The following AHNAK variants were observed in gnomAD, a reference collection of about 807,000 sequenced individuals.
AHNAK encodes neuroblast differentiation-associated protein AHNAK.
In AHNAK, 23 loss-of-function variants were observed where a neutral mutation model predicts 37.8. The observed-to-expected ratio is 0.61, with a 90% CI of 0.44 to 0.86. The LOEUF (loss-of-function observed/expected upper bound fraction) is 0.86. Among genes scored for constraint, AHNAK ranks in the 40% least tolerant of loss-of-function variants. AHNAK has a pLI of 0.00. For synonymous variants in AHNAK, 2,481 were observed against 2,636.3 expected, an observed-to-expected ratio of 0.94 and a Z score of 1.80; for missense variants, 7,411 against 7,319.4, an observed-to-expected ratio of 1.01 and a Z score of -0.46.
intron 4 of AHNAK, among the ~76,000 whole-genome samples, chr11:62,502,490 G>A (rs1433492696): frequency 1.3e-5 from 2 of 152,154 alleles, no homozygotes; most frequent in African/African-American, 2.4e-5. Context: ...TGAAGTGATC[G>A]GTTAGTGATA....
chr11:62,502,997 C>T (rs1174593696), intron 4 of AHNAK, among the ~76,000 whole-genome samples: 1 of 152,128 alleles, frequency 6.6e-6, no homozygotes, highest in East Asian at 1.9e-4. Context: ...CTTTTTTTCC[C>T]TGTGTGAACC....
At position 62,532,879 on chromosome 11, in the gene AHNAK, T is replaced by C; in HGVS notation, c.1538A>G (p.Lys513Arg). The stretch of plus-strand genomic sequence containing the variant: ...AGAAACCTTAATATCTCCTTTCAGT[T>C]TAGGAGACCCAAGGCTCAGATCCAC... ...QDVDLSLGSP[K>R]LKGDIKVSAP... Residue 513 changes from lysine (K) to arginine (R), a missense_variant, in exon 5 of 5, where the codon AAA (lysine) becomes AGA (arginine). Coordinates refer to ENST00000378024, the MANE Select transcript of AHNAK (RefSeq NM_001620.3). 1 of 1,614,110 alleles carries C rather than the reference T, an allele frequency of 6.2e-7. No homozygotes were observed.
Position 62,534,006 on chromosome 11 carries a change from A to G in AHNAK, c.411T>C (p.Asp137=), listed in dbSNP as rs770840240. Residue 137 remains aspartate, a synonymous_variant, in exon 5 of 5, where the codon GAT becomes GAC. Transcript: ENST00000378024. ...TKIKPRLKSE[D]GVEGDLGETQ... is the part of the protein sequence containing the mutation. ...TCTCCCCGAGGTCTCCTTCCACTCC[A>G]TCTTCCGACTTCAGCCGTGGCTTGA... 2 of 1,594,968 alleles carry G rather than the reference A, an allele frequency of 1.3e-6. No homozygotes were observed. Among genetic ancestry groups the G allele is most frequent in the Admixed American group, 1.7e-5 (1 of 58,678 alleles).
In AHNAK at chr11:62,527,713, T is replaced by C. The variant is rs1460469508; in HGVS notation, c.6704A>G (p.His2235Arg). Residue 2235 changes from histidine (H) to arginine (R), a missense_variant, in exon 5 of 5, where the codon CAT becomes CGT. His to Arg is a conservative substitution (Grantham distance 29). Transcript: ENST00000378024. ...CATCTTCAGGTGCCAGTCTGGGCCA[T>C]GAACATCCACATCTGGGGCATCAAT... ...VDIDAPDVDV[H>R]GPDWHLKMPK... 2.5e-6 allele frequency: 4 copies of C among 1,613,964 alleles called. No individual in the cohort carries two copies. The highest frequency in any genetic ancestry group is 2.2e-5 in the East Asian group (1 of 44,866).
In AHNAK at chr11:62,517,771, T is replaced by A. The variant is rs758602100; in HGVS notation, c.16646A>T (p.Asn5549Ile). 6.2e-7 allele frequency: 1 copy of A among 1,614,196 alleles called. No homozygotes were observed. Among genetic ancestry groups the A allele is most frequent in the Admixed American group, 1.7e-5 (1 of 60,020 alleles). The change falls in exon 5 of 5, where the codon AAT becomes ATT. Residue 5549 changes from asparagine to isoleucine, a missense_variant. Asn to Ile is a moderately radical substitution (Grantham distance 149). Transcript: ENST00000378024. ...PDISVKGPAF[N>I]MASPESDFGI... is the part of the protein sequence containing the mutation. Reference sequence around the variant, plus strand: ...AAAATCTGACTCAGGAGATGCCATATTAAAGGCAGGCCCCTTCACACTGAT... The same window carrying A: ...AAAATCTGACTCAGGAGATGCCATAATAAAGGCAGGCCCCTTCACACTGAT...
chr11:62,481,851 C>T (rs1939283334), intron 5 of AHNAK, among the ~76,000 whole-genome samples: 1 of 152,122 alleles, frequency 6.6e-6, no homozygotes, highest in Non-Finnish European at 1.5e-5. Flanking sequence ...AGGCGTGAAC[C>T]ACCGCGCCTG....
At chr11:62,460,334 T>C (rs1938756479) in intron 5 of AHNAK, among the ~76,000 whole-genome samples, 1 of 151,992 alleles carries the variant, frequency 6.6e-6, no homozygotes. Flanking sequence ...ACGCTGCATC[T>C]GAGATGAGAG....
intron 5 of AHNAK, among the ~76,000 whole-genome samples, chr11:62,474,777 TAGGAG>T (rs1939109148): frequency 3.3e-5 from 5 of 152,138 alleles, no homozygotes; most frequent in Admixed American, 2.0e-4. Flanking sequence ...GTCCTGGAAA[TAGGAG>T]AGTGAGCAAA....
At position 62,522,646 on chromosome 11, in the gene AHNAK, C is replaced by G; in HGVS notation, c.11771G>C (p.Arg3924Pro). The G allele has an allele frequency of 1.3e-6, 2 of 1,575,322 alleles. No homozygotes were observed. Among genetic ancestry groups the G allele is most frequent in the Middle Eastern group, 3.4e-4 (2 of 5,880 alleles). ...CATCTTCAGGTGCCAGTCTGGGCCT[C>G]GAACATCCACATCTGGGGCATTAAT... ...VDINAPDVDV[R>P]GPDWHLKMPK... Residue 3924 changes from arginine to proline, a missense_variant, in exon 5 of 5, where the codon CGA becomes CCA. Physicochemically the swap from Arg to Pro is moderately radical, Grantham distance 103 (BLOSUM62 -2). Transcript: ENST00000378024.
chr11:62,455,457 G>A (rs1938635477), intron 5 of AHNAK, among the ~76,000 whole-genome samples: 2 of 151,902 alleles, frequency 1.3e-5, no homozygotes, highest in Admixed American at 1.3e-4. Flanking sequence ...TGTAATCCCA[G>A]CACATTGGGA....
intron 5 of AHNAK, among the ~76,000 whole-genome samples, chr11:62,484,213 C>CA (rs199653799): frequency 2.2e-4 from 33 of 150,526 alleles, no homozygotes; most frequent in Middle Eastern, 3.4e-3. Flanking sequence ...CCCATTTCTA[C>CA]AAAAAAAATT....
intron 5 of AHNAK, among the ~76,000 whole-genome samples, chr11:62,443,197 C>T (rs919392535): frequency 6.6e-6 from 1 of 150,744 alleles, no homozygotes; most frequent in Non-Finnish European, 1.5e-5. Context: ...AGGCTTGTCT[C>T]GAACTCCTGG....
At chr11:62,448,891 A>G (rs556679923) in intron 5 of AHNAK, among the ~76,000 whole-genome samples, 2 of 152,266 alleles carry the variant, frequency 1.3e-5, no homozygotes, top group South Asian at 4.2e-4. Context: ...AACACAGTGA[A>G]ACCCCATTTC....
intron 5 of AHNAK, among the ~76,000 whole-genome samples, chr11:62,459,858 G>A (rs1424875844): frequency 6.6e-6 from 1 of 152,156 alleles, no homozygotes; most frequent in Non-Finnish European, 1.5e-5. Flanking sequence ...AACAACTCTT[G>A]GCCAGACATG....
chr11:62,477,672 G>A (rs897978681), intron 5 of AHNAK, among the ~76,000 whole-genome samples: 2 of 152,030 alleles, frequency 1.3e-5, no homozygotes, highest in Non-Finnish European at 2.9e-5. Context: ...CATGGTGGCC[G>A]GCGCCTGTAG....
In AHNAK at chr11:62,439,696, C is replaced by T. The variant is rs527416673; in HGVS notation, c.443-5805G>A. Among the ~76,000 whole-genome samples, 283 of 116,830 alleles carry T rather than the reference C, an allele frequency of 2.4e-3. 2 individuals carry two copies. Among genetic ancestry groups the T allele is most frequent in the African/African-American group, 8.1e-3 (257 of 31,742 alleles). 76.6% of individuals were successfully genotyped at this position (116,830 alleles called of 152,430 possible). A position where few individuals can be genotyped will look rare whatever the true frequency, so the allele number is the denominator to read the frequency against. The stretch of plus-strand genomic sequence containing the variant: ...TTTTTTTTTTTTTTTGAGATGGAGT[C>T]TCACACTAGCATCCAGGCTGGAGTG... On this transcript the variant is annotated intron_variant, in intron 5 of 5. Coordinates refer to the AHNAK transcript ENST00000257247.
chr11:62,529,768 A>G lies in AHNAK; in HGVS notation c.4649T>C (p.Val1550Ala). 6.2e-7 allele frequency: 1 copy of G among 1,614,102 alleles called. No homozygotes were observed. Among genetic ancestry groups the G allele is most frequent in the South Asian group, 1.1e-5 (1 of 91,074 alleles). ...GVSGPKVDIDVPDVNLEAPEG... is the reference protein window; with the variant it reads ...GVSGPKVDIDAPDVNLEAPEG... ...TGGAGCTTCAAGATTCACATCTGGA[A>G]CATCAATGTCCACCTTGGGTCCTGA... is the stretch of plus-strand genomic sequence containing the variant. Residue 1550 changes from valine to alanine, a missense_variant, in exon 5 of 5, where the codon GTT (valine) becomes GCT (alanine). Val to Ala is a moderately conservative substitution (Grantham distance 64). Coordinates refer to ENST00000378024, the MANE Select transcript of AHNAK (RefSeq NM_001620.3).
rs777997369 is a variant in AHNAK, at chr11:62,519,815, C to CA, written c.14601dup (p.Asp4868Ter). 2.5e-6 allele frequency: 4 copies of CA among 1,614,174 alleles called. No homozygotes were observed. On this transcript the variant is annotated frameshift_variant, in exon 5 of 5. Coordinates refer to ENST00000378024, the MANE Select transcript of AHNAK (RefSeq NM_001620.3). LOFTEE classifies it low-confidence loss of function (END_TRUNC). ...CCTTCAACCTTAGGGACAGACACAT[C>CA]AAAATCTCCTTTTACTTTGGGTCCT...
In AHNAK at chr11:62,522,049, T is replaced by C. The variant is rs769038711; in HGVS notation, c.12368A>G (p.His4123Arg). The C allele has an allele frequency of 3.1e-6, 5 of 1,614,144 alleles. No individual in the cohort carries two copies. Among genetic ancestry groups the C allele is most frequent in the Non-Finnish European group, 8.5e-7 (1 of 1,180,026 alleles). Residue 4123 changes from histidine (H) to arginine (R), a missense_variant, in exon 5 of 5, where the codon CAC becomes CGC. Transcript: ENST00000378024. ...CATAGAGATCTTCGGTGCCTTGAGG[T>C]GCAGGTCAGGCATTTTAAATTTGGG... Reference protein sequence around the residue: ...KGPKFKMPDLHLKAPKISMPE... With the variant: ...KGPKFKMPDLRLKAPKISMPE...
Sources: gnomAD v4.1 joint callset for allele counts (sites outside exome capture counted in the v4.1 genomes callset) on GRCh38, gnomAD v4.1.1 for gene constraint, MANE v1.5 for transcripts, NCBI Gene and HGNC (gene_info 2026-07-23, HGNC 2026-07-21) for gene names.